CRAT: variants seen among roughly 807,000 people sequenced by gnomAD.
The protein encoded by CRAT is carnitine O-acetyltransferase.
In CRAT, 66 loss-of-function variants were observed where a neutral mutation model predicts 73.7. That is an observed-to-expected ratio of 0.90 (90% CI 0.73 to 1.10). CRAT has a LOEUF of 1.10. CRAT is among the 50% of genes least tolerant of loss of function. The probability of loss-of-function intolerance (pLI) is 0.00; values close to 1 mark genes in which losing one functional copy is unlikely to be tolerated. For missense variants in CRAT, 745 were observed against 846.9 expected, an observed-to-expected ratio of 0.88 and a Z score of 1.49; for synonymous variants, 321 against 343.2, an observed-to-expected ratio of 0.94 and a Z score of 0.71.
In CRAT at chr9:129,106,852, C is replaced by T. The variant is rs1848047890; in HGVS notation, c.291+962G>A. ...TCAGGCAACCCCGACTTGGCAAATT[C>T]CACCCGTGCCCCCACCTCATTGGCA... On this transcript the variant is annotated intron_variant, in intron 2 of 13. Coordinates refer to ENST00000318080, the MANE Select transcript of CRAT (RefSeq NM_000755.5). The surrounding 1 kb of genome is among the most constrained non-coding windows in gnomAD (Gnocchi z 4.0). Among the ~76,000 whole-genome samples the T allele has an allele frequency of 6.6e-6, 1 of 151,944 alleles. No homozygotes were observed. Among genetic ancestry groups the T allele is most frequent in the Admixed American group, 6.6e-5 (1 of 15,258 alleles).
intron 13 of CRAT, 21 bp from the exon 14 acceptor site, chr9:129,095,633 G>A (rs577820107): frequency 2.2e-5 from 35 of 1,605,996 alleles, no homozygotes; most frequent in Admixed American, 1.7e-4. Flanking sequence ...CAGGATGAAA[G>A]CTCTCAGCTC....
rs1176065362 is a variant in CRAT, at chr9:129,098,092, A to G, written c.1385T>C (p.Leu462Pro). The G allele has an allele frequency of 2.5e-6, 4 of 1,614,062 alleles. No individual in the cohort carries two copies. Among genetic ancestry groups the G allele is most frequent in the Non-Finnish European group, 2.5e-6 (3 of 1,180,048 alleles). Reference sequence around the variant, plus strand: ...CGAGCGGATGGTGTCGGTGCGGCCCAGGTGAAACATGCGCAGGGAGGCACT... The same window carrying G: ...CGAGCGGATGGTGTCGGTGCGGCCCGGGTGAAACATGCGCAGGGAGGCACT... ...YESASLRMFH[L>P]GRTDTIRSAS... Residue 462 changes from leucine to proline, a missense_variant, in exon 11 of 14, where the codon CTG becomes CCG. Leu to Pro is a moderately conservative substitution (Grantham distance 98). Coordinates refer to ENST00000318080, the MANE Select transcript of CRAT (RefSeq NM_000755.5).
Position 129,106,940 on chromosome 9 carries a change from G to C in CRAT, c.291+874C>G, listed in dbSNP as rs1024316179. 2.6e-5 allele frequency among the ~76,000 whole-genome samples: 4 copies of C among 152,032 alleles called. No individual in the cohort carries two copies. Among genetic ancestry groups the C allele is most frequent in the Non-Finnish European group, 5.9e-5 (4 of 67,996 alleles). ...TAACGACTCTCCCTCTCTCCCATCCGGTGTCAGACCCAGGCTGCCACAGCT... is the reference window on the plus strand; with the variant it reads ...TAACGACTCTCCCTCTCTCCCATCCCGTGTCAGACCCAGGCTGCCACAGCT... On this transcript the variant is annotated intron_variant, in intron 2 of 13. Transcript: ENST00000318080. This position sits in a 1 kb window ranked among gnomAD's most constrained non-coding sequence, Gnocchi z 4.0.
rs1224240427 is a variant in CRAT at position 129,103,963 on chromosome 9, C to CTG, written c.410+224_410+225insCA. Among the ~76,000 whole-genome samples the CTG allele has an allele frequency of 1.3e-5, 2 of 152,250 alleles. No homozygotes were observed. Among genetic ancestry groups the CTG allele is most frequent in the Non-Finnish European group, 2.9e-5 (2 of 68,012 alleles). On this transcript the variant is annotated intron_variant, in intron 3 of 13. Coordinates refer to ENST00000318080, the MANE Select transcript of CRAT (RefSeq NM_000755.5). The surrounding 1 kb of genome is among the most constrained non-coding windows in gnomAD (Gnocchi z 4.6). ...GATGTGGTGGTTAACAGCCATGAGG[C>CTG]TTTAGAGCTGGAGAGACCCTGCTTC...
rs988794472 is a variant in CRAT at position 129,106,793 on chromosome 9, A to T, written c.291+1021T>A. On this transcript the variant is annotated intron_variant, in intron 2 of 13. Coordinates refer to ENST00000318080, the MANE Select transcript of CRAT (RefSeq NM_000755.5). This position sits in a 1 kb window ranked among gnomAD's most constrained non-coding sequence, Gnocchi z 4.0. ...ATAACACAGCATTTCCCAGGGCCGG[A>T]CCCGCTCTGGCTCTCCCACAGGTAG... 2.6e-5 allele frequency among the ~76,000 whole-genome samples: 4 copies of T among 151,496 alleles called. No individual in the cohort carries two copies. The highest frequency in any genetic ancestry group is 5.9e-5 in the Non-Finnish European group (4 of 67,890).
intron 7 of CRAT, 64 bp from the exon 8 acceptor site, chr9:129,100,030 C>T: frequency 7.3e-7 from 1 of 1,377,300 alleles, no homozygotes; most frequent in Non-Finnish European, 1.0e-6. Flanking sequence ...CTCACCCAAC[C>T]ACTCTTTGGT....
At chr9:129,105,596 C>A (rs113177331) in intron 2 of CRAT, among the ~76,000 whole-genome samples, 5,992 of 151,376 alleles carry the variant, frequency 0.04, 402 homozygotes, top group African/African-American at 0.14. Context: ...TGCTGGGATT[C>A]CAGGCGTGAG....
At chr9:129,104,332 G>A in intron 2 of CRAT, 26 bp from the exon 3 acceptor site, 2 of 1,591,828 alleles carry the variant, frequency 1.3e-6, no homozygotes, top group Non-Finnish European at 1.7e-6. Flanking sequence ...GAGCCTGTCA[G>A]GAGGGGTGCA....
At chr9:129,109,299 G>A (rs1430797689) in intron 1 of CRAT, 4 of 1,302,580 alleles carry the variant, frequency 3.1e-6, no homozygotes, top group South Asian at 1.2e-5. Flanking sequence ...GTTGGTGCAA[G>A]GGAGCAGACA....
chr9:129,101,420 C>T (rs1170104953), intron 6 of CRAT, among the ~76,000 whole-genome samples: 3 of 152,204 alleles, frequency 2.0e-5, no homozygotes, highest in Non-Finnish European at 2.9e-5. Context: ...GAGCGAGACC[C>T]GCTCTCCTAT....
chr9:129,102,378 G>C (rs1564164508), intron 5 of CRAT, 22 bp downstream of exon 5: 34 of 1,613,770 alleles, frequency 2.1e-5, no homozygotes, highest in Non-Finnish European at 2.8e-5. Context: ...GGGGCTTGTA[G>C]GTGTGGGTGG....
intron 1 of CRAT, among the ~76,000 whole-genome samples, chr9:129,109,597 C>T (rs185612838): frequency 3.9e-5 from 6 of 152,264 alleles, no homozygotes; most frequent in African/African-American, 1.2e-4. Context: ...GTCGGATGGT[C>T]CTGGAGGATG....
rs1848100233 is a variant in CRAT at position 129,107,717 on chromosome 9, C to T, written c.291+97G>A. The T allele has an allele frequency of 6.3e-7, 1 of 1,575,164 alleles. No individual in the cohort carries two copies. The highest frequency in any genetic ancestry group is 8.7e-7 in the Non-Finnish European group (1 of 1,151,538). On this transcript the variant is annotated intron_variant, in intron 2 of 13. Transcript: ENST00000318080. This position sits in a 1 kb window ranked among gnomAD's most constrained non-coding sequence, Gnocchi z 5.0. ...ACACAGAGTATGTGCTCACGAAACT[C>T]TGGGCAGCAAACGAACGGCCGTGCC...
chr9:129,102,573 G>A lies in CRAT; in HGVS notation c.465-8C>T, dbSNP rs1461360661. ...TCCACGGGCAGGGTCTCGCTATGGG[G>A]TAGAGGGGCAGTGAGGCCACCACTG... On this transcript the variant is annotated splice_polypyrimidine_tract_variant and splice_region_variant and intron_variant, in intron 4 of 13. Transcript: ENST00000318080. 7.4e-6 allele frequency: 12 copies of A among 1,613,690 alleles called. No individual in the cohort carries two copies. Among genetic ancestry groups the A allele is most frequent in the Non-Finnish European group, 9.3e-6 (11 of 1,179,696 alleles).
At chr9:129,096,496 C>T (rs945529284) in intron 12 of CRAT, among the ~76,000 whole-genome samples, 2 of 152,184 alleles carry the variant, frequency 1.3e-5, no homozygotes, top group Admixed American at 1.3e-4. Context: ...TGGCGGTGAG[C>T]TCTAAATGGA....
chr9:129,105,282 T>C (rs1270565680), intron 2 of CRAT, among the ~76,000 whole-genome samples: 1 of 151,580 alleles, frequency 6.6e-6, no homozygotes, highest in African/African-American at 2.4e-5. Flanking sequence ...CCTGAATAGA[T>C]AGAAAGGAAA....
chr9:129,098,814 T>C (rs1444853604), intron 8 of CRAT, among the ~76,000 whole-genome samples, 164 bp from the exon 9 acceptor site: 2 of 42,548 alleles, frequency 4.7e-5, no homozygotes, highest in African/African-American at 2.2e-4. Flanking sequence ...TTTTTCTTTT[T>C]TCTTTTTTTT....
rs1218912443 is a variant in CRAT, at chr9:129,098,611, C to T, written c.1125G>A (p.Leu375=). 1.3e-6 allele frequency: 2 copies of T among 1,599,872 alleles called. No homozygotes were observed. The highest frequency in any genetic ancestry group is 1.4e-5 in the African/African-American group (1 of 73,488). ...PELVRSPLVP[L]PMPKKLRFNI... is the part of the protein sequence containing the mutation. ...TGAACCGCAGCTTCTTGGGCATGGG[C>T]AGGGGCACCAGGGGAGACCGCACAA... is the stretch of plus-strand genomic sequence containing the variant. The change falls in exon 9 of 14, where the codon CTG becomes CTA. Residue 375 remains leucine, a synonymous_variant. Transcript: ENST00000318080.
rs905744495 is a variant in CRAT, at chr9:129,106,950, C to G, written c.291+864G>C. ...CCCTCTCTCCCATCCGGTGTCAGAC[C>G]CAGGCTGCCACAGCTCCTTGGGGGT... On this transcript the variant is annotated intron_variant, in intron 2 of 13. Coordinates refer to ENST00000318080, the MANE Select transcript of CRAT (RefSeq NM_000755.5). The surrounding 1 kb of genome is among the most constrained non-coding windows in gnomAD (Gnocchi z 4.0). 6.6e-6 allele frequency among the ~76,000 whole-genome samples: 1 copy of G among 152,166 alleles called. No individual in the cohort carries two copies. The highest frequency in any genetic ancestry group is 1.5e-5 in the Non-Finnish European group (1 of 68,022).
Sources: allele counts gnomAD v4.1 joint callset (sites outside exome capture counted in the v4.1 genomes callset), GRCh38; gene constraint gnomAD v4.1.1; non-coding constraint Gnocchi (gnomAD v3.1); transcripts MANE v1.5; gene names NCBI Gene and HGNC (gene_info 2026-07-23, HGNC 2026-07-21).